Variants in MYO16 observed in about 807,000 individuals in gnomAD.
MYO16 encodes the protein myosin XVI, also known as unconventional myosin-XVI.
A neutral mutation model predicts 205.3 loss-of-function variants in MYO16; 94 were observed. The observed-to-expected ratio is 0.46, with a 90% CI of 0.39 to 0.54. The LOEUF (loss-of-function observed/expected upper bound fraction) is 0.54. MYO16 is among the 20% of genes least tolerant of loss of function. The pLI is 0.00. For missense variants in MYO16, 2,315 were observed against 2,387.5 expected, an observed-to-expected ratio of 0.97 and a Z score of 0.63; for synonymous variants, 988 against 954.0, an observed-to-expected ratio of 1.04 and a Z score of -0.66.
intron 34 of MYO16, among the ~76,000 whole-genome samples, chr13:109,186,633 A>C (rs1444210251): frequency 6.7e-5 from 10 of 148,562 alleles, no homozygotes; most frequent in East Asian, 3.9e-4. Context: ...CACACACACA[A>C]ACACACACAA....
chr13:108,553,580 G>C, the MYO16 span, among the ~76,000 whole-genome samples: 3 of 152,132 alleles, frequency 2.0e-5, no homozygotes, highest in Non-Finnish European at 4.4e-5. Flanking sequence ...GAACAGCTTT[G>C]AGTGGAAATT....
chr13:108,586,272 T>A, the MYO16 span, among the ~76,000 whole-genome samples: 3 of 152,314 alleles, frequency 2.0e-5, no homozygotes, highest in East Asian at 5.8e-4. Flanking sequence ...CAAATAAAGT[T>A]TATAAATGAT....
At chr13:109,182,083 G>T (rs1879481448) in intron 34 of MYO16, among the ~76,000 whole-genome samples, 1 of 152,108 alleles carries the variant, frequency 6.6e-6, no homozygotes, top group Admixed American at 6.6e-5. Context: ...CTCCCAAAGT[G>T]CTGGGATTAC....
At chr13:108,633,661 A>G (rs777379565) in intron 1 of MYO16, among the ~76,000 whole-genome samples, 3 of 152,186 alleles carry the variant, frequency 2.0e-5, no homozygotes, top group Non-Finnish European at 4.4e-5. Flanking sequence ...GCATCCTTCA[A>G]TCCAACCAAG....
At chr13:109,047,107 C>G in intron 24 of MYO16, 116 bp downstream of exon 24, 1 of 756,864 alleles carries the variant, frequency 1.3e-6, no homozygotes, top group Non-Finnish European at 2.2e-6. Flanking sequence ...AATTGAAATG[C>G]CTTTTGCATT....
At chr13:109,054,259 T>C (rs1887343051) in intron 25 of MYO16, 1 of 351,330 alleles carries the variant, frequency 2.8e-6, no homozygotes, top group South Asian at 2.2e-5. Context: ...GGGCTGCACA[T>C]ATTTGCTTAT....
intron 13 of MYO16, among the ~76,000 whole-genome samples, chr13:108,886,245 T>C (rs1405891382): frequency 1.3e-5 from 2 of 152,050 alleles, no homozygotes; most frequent in African/African-American, 2.4e-5. Context: ...CCACAGCCTC[T>C]CAAAGTGCTG....
At chr13:108,549,083 T>G in the MYO16 span, among the ~76,000 whole-genome samples, 4 of 152,196 alleles carry the variant, frequency 2.6e-5, no homozygotes, top group African/African-American at 4.8e-5. Context: ...GATTGTTAGA[T>G]TCCCATATGT....
At chr13:109,197,196 A>G (rs758497405) in intron 34 of MYO16, among the ~76,000 whole-genome samples, 33 of 152,140 alleles carry the variant, frequency 2.2e-4, no homozygotes, top group Admixed American at 6.5e-5. Flanking sequence ...GACCACCCAC[A>G]CCCCATGTGA....
chr13:109,024,277 A>G (rs1436180023), intron 23 of MYO16, among the ~76,000 whole-genome samples: 1 of 151,754 alleles, frequency 6.6e-6, no homozygotes, highest in African/African-American at 2.4e-5. Flanking sequence ...ACAATTTACA[A>G]TGAGGTATGA....
the MYO16 span, among the ~76,000 whole-genome samples, chr13:108,551,214 G>A: frequency 2.0e-5 from 3 of 152,216 alleles, 1 homozygote; most frequent in Admixed American, 2.0e-4. Flanking sequence ...CATCTTTCAA[G>A]TATACCTAGT....
the MYO16 span, among the ~76,000 whole-genome samples, chr13:108,573,759 C>G: frequency 3.9e-5 from 6 of 152,140 alleles, no homozygotes; most frequent in Admixed American, 1.3e-4. Context: ...CACTGTTTTC[C>G]TTTTTAAAAG....
chr13:108,842,100 A>G (rs956516961), intron 9 of MYO16, among the ~76,000 whole-genome samples: 2 of 152,102 alleles, frequency 1.3e-5, no homozygotes, highest in Admixed American at 6.6e-5. Context: ...CTTAAATATA[A>G]AAACCATAAA....
Position 109,048,338 on chromosome 13 carries a change from GAGGA to G in MYO16, c.2872+1351_2872+1354del, listed in dbSNP as rs777824162. The stretch of plus-strand genomic sequence containing the variant: ...TTCAGTCTTTTTTTTTATTCTTTAG[GAGGA>G]AGGTGCTTCTGAGCAAAAGGACAGA... On this transcript the variant is annotated intron_variant, in intron 24 of 34. Coordinates refer to ENST00000457511, the MANE Select transcript of MYO16 (RefSeq NM_001198950.3). 10 of 757,318 alleles carry G rather than the reference GAGGA, an allele frequency of 1.3e-5. No homozygotes were observed. In the Admixed American group the frequency reaches 1.8e-4, roughly 13 times the overall value. The allele number at this position is 757,318 out of a possible 1,614,324, so 46.9% of individuals were successfully genotyped here.
intron 27 of MYO16, among the ~76,000 whole-genome samples, chr13:109,081,290 T>G (rs1298893394): frequency 6.6e-6 from 1 of 152,214 alleles, no homozygotes; most frequent in Non-Finnish European, 1.5e-5. Flanking sequence ...GCCTTTATTC[T>G]AGATATTTAT....
chr13:109,148,011 T>C (rs556406622), intron 32 of MYO16, among the ~76,000 whole-genome samples: 69 of 152,042 alleles, frequency 4.5e-4, no homozygotes, highest in South Asian at 8.3e-4. Flanking sequence ...TATGTCTCTT[T>C]GGAAGAAAAG....
chr13:108,854,946 A>G (rs887999559), intron 10 of MYO16, among the ~76,000 whole-genome samples: 2 of 152,216 alleles, frequency 1.3e-5, no homozygotes, highest in African/African-American at 4.8e-5. Flanking sequence ...TCTGAAGTCT[A>G]CCTTTAAAAC....
chr13:108,754,057 A>G (rs1313457227), intron 4 of MYO16, among the ~76,000 whole-genome samples: 1 of 152,274 alleles, frequency 6.6e-6, no homozygotes, highest in African/African-American at 2.4e-5. Flanking sequence ...TTGCTGTCAC[A>G]GCACTCAGCT....
intron 28 of MYO16, among the ~76,000 whole-genome samples, chr13:109,118,457 T>A (rs536951334): frequency 6.6e-5 from 10 of 152,334 alleles, no homozygotes; most frequent in Admixed American, 2.0e-4. Context: ...AATCCTGTTC[T>A]CCTGTTTCCC....
Sources: gnomAD v4.1 joint callset for allele counts (sites outside exome capture counted in the v4.1 genomes callset) on GRCh38, gnomAD v4.1.1 for gene constraint, MANE v1.5 for transcripts, NCBI Gene and HGNC (gene_info 2026-07-23, HGNC 2026-07-21) for gene names.